Variants in PIPOX observed in about 807,000 individuals in gnomAD.
PIPOX encodes the protein pipecolic acid and sarcosine oxidase.
PIPOX carries 45 observed loss-of-function variants against 47.9 expected under a neutral mutation model. The ratio of observed to expected loss-of-function variants is 0.94; its 90% confidence interval spans 0.74 to 1.20. The LOEUF (loss-of-function observed/expected upper bound fraction) is 1.20, where lower values mean the gene tolerates loss of function less well. Among genes scored for constraint, PIPOX ranks in the 50% most tolerant of loss-of-function variants. The pLI is 0.00. For synonymous variants in PIPOX, 165 were observed against 191.3 expected, an observed-to-expected ratio of 0.86 and a Z score of 1.13; for missense variants, 458 against 498.4, an observed-to-expected ratio of 0.92 and a Z score of 0.77.
rs939845410 is a variant in PIPOX at position 29,056,501 on chromosome 17, C to T, written c.*196C>T. On this transcript the variant is annotated 3_prime_UTR_variant, in exon 8 of 8. Transcript: ENST00000323372. ...TTTCTTCTGCCTCACTTGAATCCCCCGTAAACACCAGACGATTGAGTCTAC... is the reference window on the plus strand; with the variant it reads ...TTTCTTCTGCCTCACTTGAATCCCCTGTAAACACCAGACGATTGAGTCTAC... The T allele has an allele frequency of 5.8e-5, 36 of 624,196 alleles. No individual in the cohort carries two copies. The highest frequency in any genetic ancestry group is 2.9e-4 in the African/African-American group (16 of 54,288). The allele number at this position is 624,196 out of a possible 1,614,324, so 38.7% of individuals were successfully genotyped here.
At chr17:29,051,406 AT>A (rs761555925) in intron 2 of PIPOX, among the ~76,000 whole-genome samples, 33 of 152,276 alleles carry the variant, frequency 2.2e-4, no homozygotes, top group Admixed American at 5.2e-4. Context: ...CTTCTCTTTA[AT>A]CCCCCCAACC....
rs1233383035 is a variant in PIPOX, at chr17:29,056,902, G to A, written c.*597G>A. ...GGAGACTGAGGCAAGAGAATCACTT[G>A]AACCCGGGAGGTGGAGGTGGCAGTG... is the stretch of plus-strand genomic sequence containing the variant. On this transcript the variant is annotated 3_prime_UTR_variant, in exon 8 of 8. Coordinates refer to ENST00000323372, the MANE Select transcript of PIPOX (RefSeq NM_016518.3). 1 of 152,258 alleles carries A rather than the reference G, an allele frequency of 6.6e-6. No homozygotes were observed. The highest frequency in any genetic ancestry group is 1.5e-5 in the Non-Finnish European group (1 of 68,176). 9.4% of individuals were successfully genotyped at this position (152,258 alleles called of 1,614,324 possible).
chr17:29,045,287 G>C (rs1334608214), intron 2 of PIPOX, among the ~76,000 whole-genome samples: 1 of 152,086 alleles, frequency 6.6e-6, no homozygotes, highest in Non-Finnish European at 1.5e-5. Flanking sequence ...CCGTGTGGCA[G>C]ATGCCCAGAG....
Position 29,053,397 on chromosome 17 carries a change from G to GCTC in PIPOX, c.478-13_478-11dup. 1 of 1,603,938 alleles carries GCTC rather than the reference G, an allele frequency of 6.2e-7. No homozygotes were observed. On this transcript the variant is annotated splice_polypyrimidine_tract_variant and intron_variant, in intron 3 of 7. Transcript: ENST00000323372. The stretch of plus-strand genomic sequence containing the variant: ...ATACAGAACTAATTCACCTTTCCCT[G>GCTC]CTCCTGCCCTTTCAGGATGCAATTC...
chr17:29,045,080 G>A (rs1307141183), intron 2 of PIPOX, 73 bp downstream of exon 2: 2 of 1,470,532 alleles, frequency 1.4e-6, no homozygotes, highest in African/African-American at 1.4e-5. Context: ...TGAAGTGGCA[G>A]CGCCATGGAA....
intron 2 of PIPOX, among the ~76,000 whole-genome samples, chr17:29,050,986 G>T (rs2065803948): frequency 6.6e-6 from 1 of 152,002 alleles, no homozygotes; most frequent in Non-Finnish European, 1.5e-5. Flanking sequence ...GCCGGGTGTG[G>T]TGGTGAGCGC....
In PIPOX at chr17:29,053,457, G is replaced by C. The variant is rs145616784; in HGVS notation, c.522G>C (p.Lys174Asn). 2 of 1,614,072 alleles carry C rather than the reference G, an allele frequency of 1.2e-6. No individual in the cohort carries two copies. Among genetic ancestry groups the C allele is most frequent in the African/African-American group, 2.7e-5 (2 of 74,950 alleles). The change falls in exon 4 of 8, where the codon AAG (lysine) becomes AAC (asparagine). Residue 174 changes from lysine to asparagine, a missense_variant. Transcript: ENST00000323372. ...QLGGIVRDGEKVVEINPGLLV... is the reference protein window; with the variant it reads ...QLGGIVRDGENVVEINPGLLV... ...GAGGCATAGTGCGTGACGGAGAGAAGGTGGTGGAGATAAACCCAGGGCTAC... is the reference window on the plus strand; with the variant it reads ...GAGGCATAGTGCGTGACGGAGAGAACGTGGTGGAGATAAACCCAGGGCTAC...
Position 29,057,106 on chromosome 17 carries a change from G to A in PIPOX, c.*801G>A, listed in dbSNP as rs1344740145. 1 of 152,160 alleles carries A rather than the reference G, an allele frequency of 6.6e-6. No homozygotes were observed. The highest frequency in any genetic ancestry group is 1.5e-5 in the Non-Finnish European group (1 of 68,024). The allele number at this position is 152,160 out of a possible 1,614,324, so 9.4% of individuals were successfully genotyped here. On this transcript the variant is annotated 3_prime_UTR_variant, in exon 8 of 8. Transcript: ENST00000323372. The stretch of plus-strand genomic sequence containing the variant: ...ATCTCAGAGATCACTACTGCTCTTG[G>A]AGTTCCTTCTCCTAAAGCTAAGGCC...
chr17:29,052,052 G>C, intron 2 of PIPOX: 1 of 471,028 alleles, frequency 2.1e-6, no homozygotes, highest in South Asian at 1.5e-5. Context: ...GTGAAGCCAG[G>C]ACTAGAGACA....
Position 29,044,909 on chromosome 17 carries a change from C to G in PIPOX, c.165C>G (p.Ile55Met). 1 of 1,614,130 alleles carries G rather than the reference C, an allele frequency of 6.2e-7. No homozygotes were observed. The highest frequency in any genetic ancestry group is 8.5e-7 in the Non-Finnish European group (1 of 1,180,018). The stretch of plus-strand genomic sequence containing the variant: ...GCTCCCATGGACAAAGCCGGATAAT[C>G]CGAAAGGCGTACCTGGAAGACTTTT... ...RGSSHGQSRI[I>M]RKAYLEDFYT... Residue 55 changes from isoleucine (I) to methionine (M), a missense_variant, in exon 2 of 8, where the codon ATC becomes ATG. Transcript: ENST00000323372.
At chr17:29,049,533 C>T (rs8067658) in intron 2 of PIPOX, among the ~76,000 whole-genome samples, 44,069 of 152,082 alleles carry the variant, frequency 0.29, 7,773 homozygotes, top group African/African-American at 0.51. Flanking sequence ...GGAAGCCATC[C>T]ATCTTCATAC....
chr17:29,046,579 C>T (rs2065786309), intron 2 of PIPOX: 1 of 985,198 alleles, frequency 1.0e-6, no homozygotes, highest in South Asian at 4.7e-5. Flanking sequence ...CTTATTGACC[C>T]ATTCTGGGTC....
In PIPOX at chr17:29,055,902, G is replaced by A; in HGVS notation, c.1042+14G>A. 6.2e-7 allele frequency: 1 copy of A among 1,609,336 alleles called. No homozygotes were observed. ...CTGGATTCTCTGGTGAGTCTGAGCTGGGGGGAATGGGGTGCCTTAAAGCTG... is the reference window on the plus strand; with the variant it reads ...CTGGATTCTCTGGTGAGTCTGAGCTAGGGGGAATGGGGTGCCTTAAAGCTG... On this transcript the variant is annotated intron_variant, in intron 7 of 7. Transcript: ENST00000323372.
chr17:29,048,810 G>A (rs1170743072), intron 2 of PIPOX, among the ~76,000 whole-genome samples: 6 of 152,320 alleles, frequency 3.9e-5, no homozygotes, highest in African/African-American at 1.4e-4. Context: ...CCCACTGAAC[G>A]GAAGATGAAA....
intron 4 of PIPOX, 31 bp downstream of exon 4, chr17:29,053,626 G>A (rs762144808): frequency 6.6e-7 from 1 of 1,524,594 alleles, no homozygotes; most frequent in South Asian, 1.2e-5. Flanking sequence ...GAGAGTTGGT[G>A]CTCAAGAGAA....
At chr17:29,044,562 C>T (rs1017061058) in intron 1 of PIPOX, among the ~76,000 whole-genome samples, 15 of 152,136 alleles carry the variant, frequency 9.9e-5, no homozygotes, top group African/African-American at 3.6e-4. Context: ...CAGCCTCAAA[C>T]TCCTGGGCTC....
chr17:29,050,699 T>C (rs1309134873), intron 2 of PIPOX, among the ~76,000 whole-genome samples: 1 of 151,862 alleles, frequency 6.6e-6, no homozygotes, highest in Non-Finnish European at 1.5e-5. Context: ...TAGCCAAGTG[T>C]GGTGGCATGT....
chr17:29,047,988 C>CT (rs1228201560), intron 2 of PIPOX, among the ~76,000 whole-genome samples: 1 of 152,174 alleles, frequency 6.6e-6, no homozygotes, highest in Non-Finnish European at 1.5e-5. Flanking sequence ...TGTGAATATG[C>CT]TTTAAAAACC....
At chr17:29,053,622 TG>T (rs1199796884) in intron 4 of PIPOX, 27 bp downstream of exon 4, 2 of 1,541,560 alleles carry the variant, frequency 1.3e-6, no homozygotes, top group Non-Finnish European at 1.8e-6. Flanking sequence ...GCCCGAGAGT[TG>T]GTGCTCAAGA....
Sources: gnomAD v4.1 joint callset for allele counts (sites outside exome capture counted in the v4.1 genomes callset) on GRCh38, gnomAD v4.1.1 for gene constraint, MANE v1.5 for transcripts, NCBI Gene and HGNC (gene_info 2026-07-23, HGNC 2026-07-21) for gene names.